RNF169: variants seen among roughly 807,000 people sequenced by gnomAD.
The protein encoded by RNF169 is E3 ubiquitin-protein ligase RNF169.
A neutral mutation model predicts 53.9 loss-of-function variants in RNF169; 24 were observed. The observed-to-expected ratio is 0.45, with a 90% CI of 0.32 to 0.63. The LOEUF (loss-of-function observed/expected upper bound fraction) is 0.63, where lower values mean the gene tolerates loss of function less well. Among genes scored for constraint, RNF169 ranks in the 20% least tolerant of loss-of-function variants. The pLI is 0.04. For synonymous variants in RNF169, 396 were observed against 363.5 expected, an observed-to-expected ratio of 1.09 and a Z score of -1.02; for missense variants, 883 against 906.2, an observed-to-expected ratio of 0.97 and a Z score of 0.33.
At chr11:74,773,163 G>A (rs866972114) in intron 1 of RNF169, among the ~76,000 whole-genome samples, 1 of 152,134 alleles carries the variant, frequency 6.6e-6, no homozygotes, top group Non-Finnish European at 1.5e-5. Context: ...CATTTGGGGA[G>A]GATTACGATT....
intron 2 of RNF169, among the ~76,000 whole-genome samples, chr11:74,804,971 C>G (rs139443462): frequency 6.6e-6 from 1 of 152,294 alleles, no homozygotes; most frequent in African/African-American, 2.4e-5. Flanking sequence ...CATTGGAAAC[C>G]TTTTGGCTGT....
chr11:74,813,343 C>T (rs1229932053), intron 3 of RNF169, among the ~76,000 whole-genome samples: 1 of 152,200 alleles, frequency 6.6e-6, no homozygotes, highest in African/African-American at 2.4e-5. Context: ...AAGGAGCTTA[C>T]TCTAGAAGCA....
chr11:74,831,638 C>T (rs1393926700), intron 4 of RNF169: 1 of 146,454 alleles, frequency 6.8e-6, no homozygotes, highest in Non-Finnish European at 1.5e-5. Flanking sequence ...AATGGACAAA[C>T]ATACCAAAAC....
chr11:74,769,822 G>GA (rs1240915116), intron 1 of RNF169, among the ~76,000 whole-genome samples: 1 of 152,128 alleles, frequency 6.6e-6, no homozygotes, highest in Non-Finnish European at 1.5e-5. Flanking sequence ...CCCCAACAAG[G>GA]TCTCCCTCTG....
chr11:74,749,056 TGCC>T lies in RNF169; in HGVS notation c.182_184del (p.Pro61del), dbSNP rs1415115915. 5 of 1,468,322 alleles carry T rather than the reference TGCC, an allele frequency of 3.4e-6. No homozygotes were observed. The highest frequency in any genetic ancestry group is 4.5e-6 in the Non-Finnish European group (5 of 1,108,496). The allele number at this position is 1,468,322 out of a possible 1,614,324, so 91.0% of individuals were successfully genotyped here. On this transcript the variant is annotated inframe_deletion, in exon 1 of 6. Coordinates refer to ENST00000299563, the MANE Select transcript of RNF169 (RefSeq NM_001098638.2). ...TCGCCGCCGTTGCTGCAGCCGCCGC[TGCC>T]GCCGCGGCCGGAGGAATCGGGCTGC...
At chr11:74,798,910 C>T (rs775105443) in intron 2 of RNF169, among the ~76,000 whole-genome samples, 31 of 151,918 alleles carry the variant, frequency 2.0e-4, no homozygotes, top group African/African-American at 4.8e-4. Context: ...AAAAATTAGC[C>T]GGGCATGGTC....
intron 2 of RNF169, among the ~76,000 whole-genome samples, chr11:74,792,425 G>A (rs1053514272): frequency 4.0e-5 from 6 of 151,760 alleles, no homozygotes; most frequent in South Asian, 2.1e-4. Flanking sequence ...TTTTTGAAAC[G>A]GAGTCTTGCT....
At chr11:74,759,167 G>C (rs1443602574) in intron 1 of RNF169, among the ~76,000 whole-genome samples, 2 of 106,458 alleles carry the variant, frequency 1.9e-5, no homozygotes, top group Non-Finnish European at 1.9e-5. Context: ...TTTGTATCCT[G>C]AGACTTTGCT....
At position 74,839,949 on chromosome 11, in the gene RNF169, T is replaced by C. The variant is rs2036326052; in HGVS notation, c.*3219T>C. On this transcript the variant is annotated 3_prime_UTR_variant, in exon 6 of 6. Transcript: ENST00000299563. ...AGTGGCTTCACTTATTTTTTAAATT[T>C]TAATTTAATTTTTAAATTTTTGCTT... 1 of 152,246 alleles carries C rather than the reference T, an allele frequency of 6.6e-6. No homozygotes were observed. The highest frequency in any genetic ancestry group is 2.4e-5 in the African/African-American group (1 of 41,472). 9.4% of individuals were successfully genotyped at this position (152,246 alleles called of 1,614,324 possible).
At chr11:74,802,302 G>A (rs970707745) in intron 2 of RNF169, among the ~76,000 whole-genome samples, 2 of 152,172 alleles carry the variant, frequency 1.3e-5, no homozygotes, top group Admixed American at 6.5e-5. Flanking sequence ...ACCACAATAG[G>A]TATGGTTTGT....
chr11:74,837,946 G>C lies in RNF169; in HGVS notation c.*1216G>C, dbSNP rs764485281. On this transcript the variant is annotated 3_prime_UTR_variant, in exon 6 of 6. Transcript: ENST00000299563. ...GAAGATATGATTTTAGGGAATTTCT[G>C]ATGGGCTGGCATGCCCCATGTAGTA... 1.1e-4 allele frequency: 16 copies of C among 152,196 alleles called. No individual in the cohort carries two copies. The highest frequency in any genetic ancestry group is 2.0e-4 in the Admixed American group (3 of 15,282). The allele number at this position is 152,196 out of a possible 1,614,324, so 9.4% of individuals were successfully genotyped here.
At chr11:74,821,003 TA>T (rs2036002128) in intron 4 of RNF169, among the ~76,000 whole-genome samples, 1 of 152,180 alleles carries the variant, frequency 6.6e-6, no homozygotes, top group Non-Finnish European at 1.5e-5. Flanking sequence ...TCAAAGAGGT[TA>T]AGTGACTCAC....
chr11:74,775,843 C>G (rs991269212), intron 1 of RNF169, among the ~76,000 whole-genome samples: 3 of 152,098 alleles, frequency 2.0e-5, no homozygotes, highest in Admixed American at 1.3e-4. Flanking sequence ...CTATACTGAG[C>G]TCTTTGAGGT....
At chr11:74,794,862 A>G (rs2035624998) in intron 2 of RNF169, among the ~76,000 whole-genome samples, 2 of 152,072 alleles carry the variant, frequency 1.3e-5, no homozygotes, top group Non-Finnish European at 2.9e-5. Context: ...GCAGTGTTGG[A>G]ATCGTAGCTC....
At chr11:74,817,762 A>G in intron 4 of RNF169, 48 bp downstream of exon 4, 1 of 1,234,666 alleles carries the variant, frequency 8.1e-7, no homozygotes, top group Non-Finnish European at 1.2e-6. Flanking sequence ...GTTTTGGGGT[A>G]TGAGATAAAA....
intron 1 of RNF169, among the ~76,000 whole-genome samples, chr11:74,775,702 A>G (rs2035323571): frequency 6.6e-6 from 1 of 152,222 alleles, no homozygotes; most frequent in South Asian, 2.1e-4. Context: ...CAAATGAAAC[A>G]TAAGTGCTCG....
chr11:74,815,270 T>C (rs2035927821), intron 3 of RNF169, among the ~76,000 whole-genome samples: 1 of 152,188 alleles, frequency 6.6e-6, no homozygotes, highest in African/African-American at 2.4e-5. Flanking sequence ...TGAAAGGAAC[T>C]TGGCGCTGGG....
chr11:74,789,674 G>A lies in RNF169; in HGVS notation c.551G>A (p.Arg184His), dbSNP rs976752197. 1.7e-5 allele frequency: 27 copies of A among 1,605,942 alleles called. No homozygotes were observed. The East Asian group carries it at 3.3e-4, about 20-fold the overall frequency. ...AAATTAAGCAAGCCTGGGGAACTTC[G>A]TGAGGAATATGAAAGCTTGAGAAAG... is the stretch of plus-strand genomic sequence containing the variant. ...PIKLSKPGEL[R>H]EEYESLRKLR... Residue 184 changes from arginine to histidine, a missense_variant, in exon 2 of 6, where the codon CGT becomes CAT. Arg to His is a conservative substitution (Grantham distance 29). This residue lies in a region of RNF169 where 313 missense variants were observed against 279.9 expected (regional missense o/e 1.12). Coordinates refer to ENST00000299563, the MANE Select transcript of RNF169 (RefSeq NM_001098638.2).
rs571224509 is a variant in RNF169, at chr11:74,785,071, A to G, written c.503-4555A>G. 1.9e-4 allele frequency among the ~76,000 whole-genome samples: 28 copies of G among 150,656 alleles called. No homozygotes were observed. The South Asian group carries it at 2.3e-3, about 12-fold the overall frequency. ...GTTACTTTTAATTGTGCTCTTCCGC[A>G]TTCCTATGAGGTAGCTTGGCCGGTA... On this transcript the variant is annotated intron_variant, in intron 1 of 5. Coordinates refer to ENST00000299563, the MANE Select transcript of RNF169 (RefSeq NM_001098638.2).
Sources: gnomAD v4.1 joint callset for allele counts (sites outside exome capture counted in the v4.1 genomes callset) on GRCh38, gnomAD v4.1.1 for gene constraint, gnomAD v4.1.1 regional missense constraint, MANE v1.5 for transcripts, NCBI Gene and HGNC (gene_info 2026-07-23, HGNC 2026-07-21) for gene names.